CROCC2: variants seen among roughly 807,000 people sequenced by gnomAD.
The protein encoded by CROCC2 is ciliary rootlet coiled-coil protein 2.
In CROCC2, 163 loss-of-function variants were observed where a neutral mutation model predicts 177.6. That is an observed-to-expected ratio of 0.92 (90% CI 0.81 to 1.05). CROCC2 has a LOEUF of 1.05. CROCC2 is among the 50% of genes least tolerant of loss of function. The pLI, the probability that CROCC2 is intolerant of heterozygous loss-of-function variation, is 0.00. For synonymous variants in CROCC2, 904 were observed against 787.3 expected, an observed-to-expected ratio of 1.15 and a Z score of -2.48; for missense variants, 1,929 against 1,797.8, an observed-to-expected ratio of 1.07 and a Z score of -1.32.
rs868074383 is a variant in CROCC2 at position 240,931,000 on chromosome 2, C to T, written c.819C>T (p.Leu273=). ...GCCTGCACACCGCCTGCCTGAACCT[C>T]GACTCCAACCTGCGGCTGTCGGCCA... is the stretch of plus-strand genomic sequence containing the variant. ...ARRLHTACLN[L]DSNLRLSASS... is the part of the protein sequence containing the mutation. The change falls in exon 7 of 32, where the codon CTC becomes CTT. Residue 273 remains leucine (L), a synonymous_variant. Coordinates refer to ENST00000690015, the MANE Select transcript of CROCC2 (RefSeq NM_001351305.2). 22 of 716,088 alleles carry T rather than the reference C, an allele frequency of 3.1e-5. No individual in the cohort carries two copies. In the Middle Eastern group the frequency reaches 1.6e-3, roughly 52 times the overall value. The allele number at this position is 716,088 out of a possible 1,614,324, so 44.4% of individuals were successfully genotyped here. A position where few individuals can be genotyped will look rare whatever the true frequency, so the allele number is the denominator to read the frequency against.
Position 240,968,173 on chromosome 2 carries a change from C to G in CROCC2, c.4312C>G (p.Arg1438Gly). 1 of 1,530,330 alleles carries G rather than the reference C, an allele frequency of 6.5e-7. No homozygotes were observed. The highest frequency in any genetic ancestry group is 2.5e-5 in the East Asian group (1 of 40,734). The allele number at this position is 1,530,330 out of a possible 1,614,324, so 94.8% of individuals were successfully genotyped here. A position where few individuals can be genotyped will look rare whatever the true frequency, so the allele number is the denominator to read the frequency against. Residue 1438 changes from arginine to glycine, a missense_variant, in exon 27 of 32, where the codon CGT becomes GGT. Around this residue, in one of 3 missense-constraint regions of CROCC2, gnomAD observed 388 missense variants for 352.7 expected, o/e 1.10. Coordinates refer to ENST00000690015, the MANE Select transcript of CROCC2 (RefSeq NM_001351305.2). ...EGALSSARAARALQKEALRRL... is the reference protein window; with the variant it reads ...EGALSSARAAGALQKEALRRL... ...CGCGCTGAGCAGCGCCCGGGCAGCACGTGCCCTGCAGAAGGAGGCGCTCCG... is the reference window on the plus strand; with the variant it reads ...CGCGCTGAGCAGCGCCCGGGCAGCAGGTGCCCTGCAGAAGGAGGCGCTCCG...
Position 240,983,018 on chromosome 2 carries a change from C to T in CROCC2, c.4540C>T (p.Pro1514Ser), listed in dbSNP as rs1354167877. The part of the protein sequence containing the change: ...RCQKAEVSLE[P>S]LRQMEQETLK... ...CCAGAAGGCTGAGGTATCGCTGGAG[C>T]CCCTGCGACAGGTGAGGGTGACCAG... The change falls in exon 28 of 32, where the codon CCC becomes TCC. Residue 1514 changes from proline (P) to serine (S), a missense_variant. Pro to Ser is a moderately conservative substitution (Grantham distance 74). This residue lies in a region of CROCC2 where 388 missense variants were observed against 352.7 expected (regional missense o/e 1.10). Coordinates refer to ENST00000690015, the MANE Select transcript of CROCC2 (RefSeq NM_001351305.2). 1.9e-6 allele frequency: 3 copies of T among 1,550,066 alleles called. No homozygotes were observed. Among genetic ancestry groups the T allele is most frequent in the South Asian group, 1.2e-5 (1 of 83,988 alleles).
intron 24 of CROCC2, 109 bp downstream of exon 24, chr2:240,966,102 A>G (rs1193546727): frequency 2.8e-5 from 36 of 1,269,462 alleles, no homozygotes; most frequent in Non-Finnish European, 3.4e-5. Context: ...CGGACAGGCA[A>G]TTGTAGGAAC....
intron 20 of CROCC2, 31 bp from the exon 21 acceptor site, chr2:240,963,525 C>A (rs1292258643): frequency 6.7e-7 from 1 of 1,482,672 alleles, no homozygotes; most frequent in Non-Finnish European, 9.0e-7. Context: ...TGGTCCCCAG[C>A]GGGCCTCTAG....
Position 240,933,784 on chromosome 2 carries a change from G to A in CROCC2, c.1578G>A (p.Leu526=), listed in dbSNP as rs1315326657. The A allele has an allele frequency of 2.6e-6, 4 of 1,549,244 alleles. No homozygotes were observed. Among genetic ancestry groups the A allele is most frequent in the Non-Finnish European group, 2.6e-6 (3 of 1,146,784 alleles). Residue 526 remains leucine, a synonymous_variant, in exon 11 of 32, where the codon CTG becomes CTA. Transcript: ENST00000690015. ...AEAAELQRSL[L]LQAERREELA... is the part of the protein sequence containing the mutation. ...CTGCAGAGCTGCAGAGAAGCCTCCT[G>A]CTGCAGGCAGAGCGGAGGGAGGAGC...
intron 14 of CROCC2, among the ~76,000 whole-genome samples, chr2:240,943,868 T>C (rs1001516598): frequency 6.6e-6 from 1 of 152,190 alleles, no homozygotes; most frequent in Non-Finnish European, 1.5e-5. Context: ...GTTGTATTCA[T>C]AGAATTTCAG....
In CROCC2 at chr2:240,958,515, G is replaced by A. The variant is rs563815369; in HGVS notation, c.2944-786G>A. The A allele has an allele frequency of 1.0e-6, 1 of 972,644 alleles. No individual in the cohort carries two copies. The highest frequency in any genetic ancestry group is 4.8e-5 in the South Asian group (1 of 21,044). The allele number at this position is 972,644 out of a possible 1,614,324, so 60.3% of individuals were successfully genotyped here. ...AGAGATCTGGCACAGGGGCAGCCAT[G>A]TGGGCACCTGTGCCCCCAGGAACAC... On this transcript the variant is annotated intron_variant, in intron 19 of 31. Coordinates refer to ENST00000690015, the MANE Select transcript of CROCC2 (RefSeq NM_001351305.2). This position sits in a 1 kb window ranked among gnomAD's most constrained non-coding sequence, Gnocchi z 6.7.
At chr2:240,955,410 G>A (rs1432865675) in intron 18 of CROCC2, 8 of 157,816 alleles carry the variant, frequency 5.1e-5, no homozygotes, top group Admixed American at 4.9e-4. Context: ...AGCTGAGGGT[G>A]TCTCGCTCAC....
At position 240,972,893 on chromosome 2, in the gene CROCC2, G is replaced by A. The variant is rs778828446; in HGVS notation, c.4401+4631G>A. On this transcript the variant is annotated intron_variant, in intron 27 of 31. Transcript: ENST00000690015. This position sits in a 1 kb window ranked among gnomAD's most constrained non-coding sequence, Gnocchi z 7.1. ...CACACCTAAGTCACCAGAGGCCCCC[G>A]CTTTTGACACACAGCAAACCCAGGC... Among the ~76,000 whole-genome samples, 16 of 152,096 alleles carry A rather than the reference G, an allele frequency of 1.1e-4. No homozygotes were observed. Among genetic ancestry groups the A allele is most frequent in the South Asian group, 4.2e-4 (2 of 4,814 alleles).
At position 240,906,607 on chromosome 2, in the gene CROCC2, A is replaced by G. The variant is rs1304745244; in HGVS notation, c.78+16A>G. 2.5e-6 allele frequency: 1 copy of G among 398,988 alleles called. No individual in the cohort carries two copies. Among genetic ancestry groups the G allele is most frequent in the Non-Finnish European group, 4.4e-6 (1 of 226,092 alleles). The allele number at this position is 398,988 out of a possible 1,614,324, so 24.7% of individuals were successfully genotyped here. ...CGTGATCCAGGTCAGTGGGGTGGTCACTTCCCTGCACCCTCCTGAGAGCAG... is the reference window on the plus strand; with the variant it reads ...CGTGATCCAGGTCAGTGGGGTGGTCGCTTCCCTGCACCCTCCTGAGAGCAG... On this transcript the variant is annotated intron_variant, in intron 1 of 31. Transcript: ENST00000690015.
chr2:240,983,556 C>T, intron 28 of CROCC2: 3 of 1,275,554 alleles, frequency 2.4e-6, no homozygotes, highest in Non-Finnish European at 2.0e-6. Context: ...GAGCTCGCGG[C>T]GCTGCGCGCT....
chr2:240,928,287 A>G (rs1194340981), intron 5 of CROCC2, among the ~76,000 whole-genome samples: 1 of 152,200 alleles, frequency 6.6e-6, no homozygotes, highest in Non-Finnish European at 1.5e-5. Flanking sequence ...TTTCAGCTTC[A>G]GTTTTCTTGA....
In CROCC2 at chr2:240,965,867, G is replaced by A. The variant is rs1406889221; in HGVS notation, c.3835G>A (p.Ala1279Thr). ...IHSLEQELAQ[A>T]EGARQDAEAQ... ...CAGCCTGGAGCAGGAGCTGGCCCAG[G>A]CTGAGGGTGCAAGGCAGGATGCGGA... The change falls in exon 24 of 32, where the codon GCT becomes ACT. Residue 1279 changes from alanine to threonine, a missense_variant. By Grantham distance (58) the Ala-to-Thr change is moderately conservative. Around this residue, in one of 3 missense-constraint regions of CROCC2, gnomAD observed 144 missense variants for 205.2 expected, o/e 0.70. Coordinates refer to ENST00000690015, the MANE Select transcript of CROCC2 (RefSeq NM_001351305.2). The A allele has an allele frequency of 1.5e-5, 22 of 1,447,546 alleles. No homozygotes were observed. The highest frequency in any genetic ancestry group is 1.9e-5 in the Non-Finnish European group (21 of 1,097,764). 89.7% of individuals were successfully genotyped at this position (1,447,546 alleles called of 1,614,324 possible).
rs56199645 is a variant in CROCC2, at chr2:240,925,794, G to A, written c.559G>A (p.Ala187Thr). 2.6e-3 allele frequency: 1,861 copies of A among 716,978 alleles called. 8 individuals are homozygous for A. Among genetic ancestry groups the A allele is most frequent in the South Asian group, 5.9e-3 (402 of 67,592 alleles). The allele number at this position is 716,978 out of a possible 1,614,324, so 44.4% of individuals were successfully genotyped here. The change falls in exon 5 of 32, where the codon GCG becomes ACG. Residue 187 changes from alanine (A) to threonine (T), a missense_variant. This residue lies in a region of CROCC2 where 1,397 missense variants were observed against 1,239.9 expected (regional missense o/e 1.13). Coordinates refer to ENST00000690015, the MANE Select transcript of CROCC2 (RefSeq NM_001351305.2). ...QLEHMKKANDALGRELAGMTG... is the reference protein window; with the variant it reads ...QLEHMKKANDTLGRELAGMTG... Reference sequence around the variant, plus strand: ...GGAACATATGAAGAAGGCCAATGACGCGCTGGGCCGGGAGCTGGCCGGGAT... The same window carrying A: ...GGAACATATGAAGAAGGCCAATGACACGCTGGGCCGGGAGCTGGCCGGGAT...
In CROCC2 at chr2:240,918,798, C is replaced by T. The variant is rs575953783; in HGVS notation, c.151C>T (p.Arg51Trp). ...GGCGCTGACCGTGCGTGGGGAAGGC[C>T]GGCAGGCCTCGCCCACCCCCGTGCC... ...DRALTVRGEG[R>W]QASPTPVPTR... Residue 51 changes from arginine to tryptophan, a missense_variant, in exon 2 of 32, where the codon CGG (arginine) becomes TGG (tryptophan). Arg to Trp is a moderately radical substitution (Grantham distance 101). This residue lies in a region of CROCC2 where 1,397 missense variants were observed against 1,239.9 expected (regional missense o/e 1.13). Transcript: ENST00000690015. The surrounding 1 kb of genome is among the most constrained non-coding windows in gnomAD (Gnocchi z 6.3). The T allele has an allele frequency of 2.7e-4, 164 of 603,470 alleles. 1 individual carries two copies. In the East Asian group the frequency reaches 5.0e-3, roughly 18 times the overall value. 37.4% of individuals were successfully genotyped at this position (603,470 alleles called of 1,614,324 possible). A position where few individuals can be genotyped will look rare whatever the true frequency, so the allele number is the denominator to read the frequency against.
In CROCC2 at chr2:240,934,896, C is replaced by T; in HGVS notation, c.1792-20C>T. Reference sequence around the variant, plus strand: ...CTGGAAGCTGAAGGTCCCTCCCTGGCATCCCCCTCCCTGCCCCAGGCCGAG... The same window carrying T: ...CTGGAAGCTGAAGGTCCCTCCCTGGTATCCCCCTCCCTGCCCCAGGCCGAG... On this transcript the variant is annotated intron_variant, in intron 12 of 31. Coordinates refer to ENST00000690015, the MANE Select transcript of CROCC2 (RefSeq NM_001351305.2). The T allele has an allele frequency of 6.8e-7, 1 of 1,479,666 alleles. No individual in the cohort carries two copies. Among genetic ancestry groups the T allele is most frequent in the Non-Finnish European group, 9.0e-7 (1 of 1,116,124 alleles). The allele number at this position is 1,479,666 out of a possible 1,614,324, so 91.7% of individuals were successfully genotyped here. A position where few individuals can be genotyped will look rare whatever the true frequency, so the allele number is the denominator to read the frequency against.
chr2:240,932,994 G>A (rs1039674890), intron 9 of CROCC2, 86 bp downstream of exon 9: 2 of 1,466,560 alleles, frequency 1.4e-6, no homozygotes, highest in South Asian at 2.9e-5. Context: ...TATGGGGCCT[G>A]CCCCTGAGCC....
In CROCC2 at chr2:240,946,331, G is replaced by C. The variant is rs375963873; in HGVS notation, c.2363+78G>C. 4 of 1,352,568 alleles carry C rather than the reference G, an allele frequency of 3.0e-6. No individual in the cohort carries two copies. In the African/African-American group the frequency reaches 5.8e-5, roughly 20 times the overall value. The allele number at this position is 1,352,568 out of a possible 1,614,324, so 83.8% of individuals were successfully genotyped here. A position where few individuals can be genotyped will look rare whatever the true frequency, so the allele number is the denominator to read the frequency against. Reference sequence around the variant, plus strand: ...GAGTCTGCAGTGTGGCAGGGTATGGGGACAATCGCACCATGACATAGGACT... The same window carrying C: ...GAGTCTGCAGTGTGGCAGGGTATGGCGACAATCGCACCATGACATAGGACT... On this transcript the variant is annotated intron_variant, in intron 15 of 31. Transcript: ENST00000690015.
At chr2:240,956,874 G>T (rs911597634) in intron 19 of CROCC2, among the ~76,000 whole-genome samples, 1 of 152,144 alleles carries the variant, frequency 6.6e-6, no homozygotes, top group African/African-American at 2.4e-5. Context: ...CAGCGAGGGT[G>T]GCCAGAGCCC....
Sources: gnomAD v4.1 joint callset for allele counts (sites outside exome capture counted in the v4.1 genomes callset) on GRCh38, gnomAD v4.1.1 for gene constraint, gnomAD v4.1.1 regional missense constraint, Gnocchi (gnomAD v3.1) non-coding constraint, MANE v1.5 for transcripts, NCBI Gene and HGNC (gene_info 2026-07-23, HGNC 2026-07-21) for gene names.